HYAL4: variants seen among roughly 807,000 people sequenced by gnomAD.
HYAL4 encodes hyaluronidase-4.
Under a neutral mutation model 35.2 loss-of-function variants are expected in HYAL4, and 37 were observed. That is an observed-to-expected ratio of 1.05 (90% CI 0.81 to 1.38). The LOEUF is 1.38. HYAL4 is among the 40% of genes most tolerant of loss of function. HYAL4 has a pLI of 0.00. For missense variants in HYAL4, 572 were observed against 572.4 expected (o/e 1.00, Z 0.01); for synonymous variants, 198 against 203.2 (o/e 0.97, Z 0.22).
At chr7:123,865,018 T>C (rs889895818) in intron 2 of HYAL4, among the ~76,000 whole-genome samples, 3 of 152,036 alleles carry the variant, frequency 2.0e-5, no homozygotes, top group African/African-American at 7.2e-5. Context: ...GAACAAACAG[T>C]TCACCAGTTC....
At chr7:123,781,916 T>G in the HYAL4 span, among the ~76,000 whole-genome samples, 1 of 152,112 alleles carries the variant, frequency 6.6e-6, no homozygotes, top group African/African-American at 2.4e-5. Context: ...TTTATGAAGC[T>G]TTTTCTTCGA....
upstream of HYAL4, among the ~76,000 whole-genome samples, chr7:123,843,821 C>G (rs1806117527): frequency 6.6e-6 from 1 of 151,874 alleles, no homozygotes; most frequent in Non-Finnish European, 1.5e-5. Context: ...TCATGAAGTT[C>G]TTGTGCCATG....
chr7:123,874,641 G>A lies in HYAL4; in HGVS notation c.955-120G>A, dbSNP rs767019629. ...AGGCTGGTCTCAAACTCTTGACCTC[G>A]TGATCTGCCCGCCTGGGCCTCCCAA... On this transcript the variant is annotated intron_variant, in intron 3 of 4. Coordinates refer to ENST00000223026, the MANE Select transcript of HYAL4 (RefSeq NM_012269.3). 45 of 607,336 alleles carry A rather than the reference G, an allele frequency of 7.4e-5. No individual in the cohort carries two copies. The Admixed American group carries it at 1.0e-3, about 14-fold the overall frequency. The allele number at this position is 607,336 out of a possible 1,614,324, so 37.6% of individuals were successfully genotyped here.
At chr7:123,802,202 AT>A in the HYAL4 span, among the ~76,000 whole-genome samples, 2 of 152,090 alleles carry the variant, frequency 1.3e-5, no homozygotes, top group African/African-American at 4.8e-5. Context: ...TAAAAAGGTT[AT>A]TTTTTTGCTT....
At chr7:123,789,248 A>G in the HYAL4 span, among the ~76,000 whole-genome samples, 2 of 152,250 alleles carry the variant, frequency 1.3e-5, no homozygotes, top group Admixed American at 6.5e-5. Context: ...AGTGATAAAT[A>G]GTATAAGACG....
At chr7:123,788,738 C>T in the HYAL4 span, among the ~76,000 whole-genome samples, 1 of 152,202 alleles carries the variant, frequency 6.6e-6, no homozygotes, top group African/African-American at 2.4e-5. Flanking sequence ...ATATCACTGA[C>T]AAATAGCAAG....
chr7:123,801,039 G>C, the HYAL4 span, among the ~76,000 whole-genome samples: 6 of 151,958 alleles, frequency 3.9e-5, no homozygotes, highest in Non-Finnish European at 7.4e-5. Flanking sequence ...TTTTTCCCAG[G>C]CTTGGTGGCT....
the HYAL4 span, among the ~76,000 whole-genome samples, chr7:123,783,617 G>T: frequency 0.25 from 38,541 of 151,772 alleles, 5,211 homozygotes; most frequent in Middle Eastern, 0.35. Context: ...GGCCAAGAGA[G>T]TTGTTTGCAC....
At chr7:123,809,092 C>G in the HYAL4 span, among the ~76,000 whole-genome samples, 1 of 152,194 alleles carries the variant, frequency 6.6e-6, no homozygotes, top group African/African-American at 2.4e-5. Flanking sequence ...TCCATCAGAA[C>G]TCATTCCATC....
upstream of HYAL4, among the ~76,000 whole-genome samples, chr7:123,841,462 G>C (rs1169749969): frequency 1.3e-5 from 2 of 151,582 alleles, no homozygotes; most frequent in Non-Finnish European, 3.0e-5. Context: ...TTTTCTGTGT[G>C]TGTATCTCTG....
the HYAL4 span, among the ~76,000 whole-genome samples, chr7:123,823,698 A>G: frequency 7.0e-6 from 1 of 141,860 alleles, no homozygotes; most frequent in African/African-American, 2.7e-5. Context: ...ATACACACAC[A>G]TATATATTTA....
At chr7:123,764,851 A>G in the HYAL4 span, among the ~76,000 whole-genome samples, 7 of 152,234 alleles carry the variant, frequency 4.6e-5, no homozygotes, top group South Asian at 1.5e-3. Context: ...CTTCCACTCC[A>G]GTTTTAGTTC....
At chr7:123,783,804 T>C in the HYAL4 span, among the ~76,000 whole-genome samples, 1 of 152,226 alleles carries the variant, frequency 6.6e-6, no homozygotes, top group Non-Finnish European at 1.5e-5. Context: ...TTTATGTCAT[T>C]GGTGAGTACC....
At chr7:123,783,015 T>C in the HYAL4 span, among the ~76,000 whole-genome samples, 1 of 151,866 alleles carries the variant, frequency 6.6e-6, no homozygotes, top group African/African-American at 2.4e-5. Context: ...CTTTTGATTA[T>C]ATATTTATAA....
chr7:123,854,628 G>T lies in HYAL4; in HGVS notation c.-52+6470G>T, dbSNP rs1806388213. On this transcript the variant is annotated intron_variant, in intron 2 of 4. Coordinates refer to ENST00000223026, the MANE Select transcript of HYAL4 (RefSeq NM_012269.3). ...TGTTCTTTTGCATTTGCTGAGGAAT[G>T]TTTTACTTCCAATTATGTGGTCAAT... is the stretch of plus-strand genomic sequence containing the variant. 2.6e-5 allele frequency among the ~76,000 whole-genome samples: 4 copies of T among 152,322 alleles called. No individual in the cohort carries two copies. In the South Asian group the frequency reaches 8.3e-4, roughly 32 times the overall value.
chr7:123,813,442 T>A, the HYAL4 span, among the ~76,000 whole-genome samples: 1 of 152,154 alleles, frequency 6.6e-6, no homozygotes, highest in African/African-American at 2.4e-5. Context: ...TCCAGTTTCT[T>A]TATAGGAAAA....
At chr7:123,788,062 A>G in the HYAL4 span, among the ~76,000 whole-genome samples, 1 of 152,188 alleles carries the variant, frequency 6.6e-6, no homozygotes. Flanking sequence ...TCATGTCTGT[A>G]ATCCCAGCAC....
At chr7:123,794,500 C>G in the HYAL4 span, among the ~76,000 whole-genome samples, 1 of 152,208 alleles carries the variant, frequency 6.6e-6, no homozygotes, top group South Asian at 2.1e-4. Flanking sequence ...CCCCTGACCC[C>G]CTCTGCTCTA....
chr7:123,802,946 T>A, the HYAL4 span, among the ~76,000 whole-genome samples: 6 of 152,230 alleles, frequency 3.9e-5, no homozygotes, highest in Non-Finnish European at 2.9e-5. Context: ...TGAAAGACAC[T>A]AGGCTCCATA....
Sources: gnomAD v4.1 joint callset for allele counts (sites outside exome capture counted in the v4.1 genomes callset) on GRCh38, gnomAD v4.1.1 for gene constraint, MANE v1.5 for transcripts, NCBI Gene and HGNC (gene_info 2026-07-23, HGNC 2026-07-21) for gene names.